Variants in GNG7 observed in about 807,000 individuals in gnomAD.
GNG7 encodes guanine nucleotide-binding protein G(I)/G(S)/G(O) subunit gamma-7.
Under a neutral mutation model 4.0 loss-of-function variants are expected in GNG7, and 1 was observed. The ratio of observed to expected loss-of-function variants is 0.25; its 90% CI spans 0.09 to 1.18. GNG7 has a LOEUF of 1.18. Among genes scored for constraint, GNG7 ranks in the 50% most tolerant of loss-of-function variants. GNG7 has a pLI of 0.50. For missense variants in GNG7, 86 were observed against 91.9 expected (o/e 0.94, Z 0.26); for synonymous variants, 34 against 36.9 (o/e 0.92, Z 0.29).
chr19:2,573,867 G>A (rs1208558350), intron 2 of GNG7, among the ~76,000 whole-genome samples: 1 of 152,140 alleles, frequency 6.6e-6, no homozygotes, highest in Admixed American at 6.5e-5. Context: ...CAATAAAAGT[G>A]GGATTGGCAT....
chr19:2,520,910 C>T (rs1050130841), intron 3 of GNG7, among the ~76,000 whole-genome samples, 185 bp from the exon 4 acceptor site: 3 of 152,074 alleles, frequency 2.0e-5, no homozygotes, highest in East Asian at 1.9e-4. Context: ...GAGCCTGGCA[C>T]GCGGTCAGCC....
intron 1 of GNG7, among the ~76,000 whole-genome samples, chr19:2,650,178 G>C (rs1016031818): frequency 7.5e-6 from 1 of 132,550 alleles, no homozygotes; most frequent in African/African-American, 3.0e-5. Context: ...TCGTGTCATA[G>C]GAATCTTTTT....
chr19:2,654,186 A>C (rs1216195527), intron 1 of GNG7, among the ~76,000 whole-genome samples: 1 of 152,012 alleles, frequency 6.6e-6, no homozygotes, highest in Non-Finnish European at 1.5e-5. Flanking sequence ...GGCGGAGAGG[A>C]AAGACGAGCT....
chr19:2,676,263 G>C (rs917998122), intron 1 of GNG7, among the ~76,000 whole-genome samples: 1 of 152,170 alleles, frequency 6.6e-6, no homozygotes, highest in Non-Finnish European at 1.5e-5. Flanking sequence ...GAGCCATGCA[G>C]GTTGAAGTCA....
At chr19:2,575,992 T>G (rs1980323711) in intron 2 of GNG7, among the ~76,000 whole-genome samples, 1 of 84,626 alleles carries the variant, frequency 1.2e-5, no homozygotes, top group African/African-American at 8.1e-5. Flanking sequence ...GACACACACA[T>G]GCTCACACTC....
intron 2 of GNG7, among the ~76,000 whole-genome samples, chr19:2,578,797 A>G (rs572057598): frequency 1.3e-5 from 2 of 152,304 alleles, no homozygotes; most frequent in Non-Finnish European, 2.9e-5. Flanking sequence ...TCAGCTTCCA[A>G]ATGTTAACAT....
chr19:2,544,992 A>AC (rs1442760139), intron 3 of GNG7, among the ~76,000 whole-genome samples: 2 of 151,922 alleles, frequency 1.3e-5, no homozygotes, highest in African/African-American at 4.8e-5. Flanking sequence ...AACCAGGGGG[A>AC]CCCCCAACTC....
intron 1 of GNG7, among the ~76,000 whole-genome samples, chr19:2,662,097 C>A (rs1983194588): frequency 6.6e-6 from 1 of 151,580 alleles, no homozygotes; most frequent in South Asian, 2.1e-4. Flanking sequence ...CTGTCTCTAC[C>A]AAAAATACAA....
At chr19:2,678,944 G>A (rs1301336744) in intron 1 of GNG7, among the ~76,000 whole-genome samples, 1 of 152,136 alleles carries the variant, frequency 6.6e-6, no homozygotes, top group African/African-American at 2.4e-5. Flanking sequence ...GCCCAGCCAA[G>A]CTACAGCTCC....
intron 1 of GNG7, among the ~76,000 whole-genome samples, chr19:2,690,740 C>T (rs867303998): frequency 6.6e-6 from 1 of 152,104 alleles, no homozygotes; most frequent in African/African-American, 2.4e-5. Flanking sequence ...GTTACAGGCA[C>T]GCACCACCAC....
At chr19:2,555,730 A>G (rs955974074) in intron 2 of GNG7, among the ~76,000 whole-genome samples, 1 of 150,522 alleles carries the variant, frequency 6.6e-6, no homozygotes, top group Non-Finnish European at 1.5e-5. Flanking sequence ...GCCCAGGGCC[A>G]GGAGGTCAAT....
intron 1 of GNG7, among the ~76,000 whole-genome samples, chr19:2,691,151 T>G (rs1330766657): frequency 6.6e-6 from 1 of 152,178 alleles, no homozygotes; most frequent in Non-Finnish European, 1.5e-5. Context: ...ACCGCTCGAT[T>G]TTGCTGTAAA....
At chr19:2,568,763 CAT>C (rs1320476504) in intron 2 of GNG7, among the ~76,000 whole-genome samples, 13 of 150,788 alleles carry the variant, frequency 8.6e-5, no homozygotes, top group African/African-American at 2.2e-4. Context: ...CACACATACA[CAT>C]ATACACATAA....
At chr19:2,664,514 G>T (rs959703231) in intron 1 of GNG7, among the ~76,000 whole-genome samples, 4 of 151,948 alleles carry the variant, frequency 2.6e-5, no homozygotes, top group African/African-American at 9.7e-5. Flanking sequence ...AGAACAAAGG[G>T]GCAGGCCTGC....
chr19:2,685,828 A>G (rs2144904598), intron 1 of GNG7, among the ~76,000 whole-genome samples: 1 of 152,152 alleles, frequency 6.6e-6, no homozygotes, highest in Admixed American at 6.6e-5. Context: ...ACACCCAGCG[A>G]CACCCTGCCG....
intron 3 of GNG7, among the ~76,000 whole-genome samples, chr19:2,529,242 T>C (rs2007618): frequency 0.018 from 2,778 of 152,238 alleles, 69 homozygotes; most frequent in African/African-American, 0.064. Context: ...TTGGAGATGA[T>C]GGCTCACTCT....
chr19:2,568,815 C>T (rs1407799810), intron 2 of GNG7, among the ~76,000 whole-genome samples: 1 of 151,306 alleles, frequency 6.6e-6, no homozygotes, highest in Non-Finnish European at 1.5e-5. Context: ...TATACACACA[C>T]ATATACACAC....
intron 2 of GNG7, among the ~76,000 whole-genome samples, chr19:2,568,336 TATAG>T: frequency 6.9e-6 from 1 of 144,892 alleles, no homozygotes; most frequent in Middle Eastern, 3.6e-3. Context: ...TATACACACA[TATAG>T]ACATACATAC....
At chr19:2,548,010 G>C (rs953444004) in intron 3 of GNG7, among the ~76,000 whole-genome samples, 12 of 152,134 alleles carry the variant, frequency 7.9e-5, no homozygotes, top group African/African-American at 2.9e-4. Flanking sequence ...TGGGCTCCAG[G>C]TCACATCATC....
Sources: allele counts gnomAD v4.1 joint callset (sites outside exome capture counted in the v4.1 genomes callset), GRCh38; gene constraint gnomAD v4.1.1; transcripts MANE v1.5; gene names NCBI Gene and HGNC (gene_info 2026-07-23, HGNC 2026-07-21).